Variants in RAVER2 observed in about 807,000 individuals in gnomAD.
RAVER2 encodes the protein ribonucleoprotein PTB-binding 2.
Under a neutral mutation model 78.1 loss-of-function variants are expected in RAVER2, and 46 were observed. The observed-to-expected ratio is 0.59, with a 90% CI of 0.46 to 0.75. The LOEUF is 0.75. RAVER2 is among the 30% of genes least tolerant of loss of function. The pLI, the probability that RAVER2 is intolerant of heterozygous loss-of-function variation, is 0.00. For missense variants in RAVER2, 793 were observed against 837.5 expected (o/e 0.95, Z 0.66); for synonymous variants, 311 against 313.3 (o/e 0.99, Z 0.08).
At position 64,745,269 on chromosome 1, in the gene RAVER2, C is replaced by T; in HGVS notation, c.97C>T (p.Pro33Ser). Reference sequence around the variant, plus strand: ...GGGGCCGGGGCTGCGCGGGCAGGGCCCCTCAGCCGAAGCGCACGAGGGCGC... The same window carrying T: ...GGGGCCGGGGCTGCGCGGGCAGGGCTCCTCAGCCGAAGCGCACGAGGGCGC... Residue 33 changes from proline to serine, a missense_variant, in exon 1 of 12, where the codon CCC becomes TCC. Coordinates refer to ENST00000294428, the Ensembl canonical transcript of RAVER2. This position sits in a 1 kb window ranked among gnomAD's most constrained non-coding sequence, Gnocchi z 4.3. The T allele has an allele frequency of 7.3e-7, 1 of 1,364,044 alleles. No homozygotes were observed. Among genetic ancestry groups the T allele is most frequent in the East Asian group, 3.4e-5 (1 of 29,020 alleles). 84.5% of individuals were successfully genotyped at this position (1,364,044 alleles called of 1,614,324 possible).
In RAVER2 at chr1:64,812,859, G is replaced by T; in HGVS notation, c.1792+10G>T. 6.5e-7 allele frequency: 1 copy of T among 1,542,316 alleles called. No individual in the cohort carries two copies. Among genetic ancestry groups the T allele is most frequent in the Non-Finnish European group, 8.8e-7 (1 of 1,132,856 alleles). On this transcript the variant is annotated intron_variant, in intron 10 of 11. Transcript: ENST00000294428. ...AGTGTGTGCTTATCATGTAAGTAGG[G>T]GCTCAGTATTCTTGTTGTGGAGTTT...
At position 64,789,568 on chromosome 1, in the gene RAVER2, T is replaced by C. The variant is rs574693528; in HGVS notation, c.1105+54T>C. 7.2e-5 allele frequency: 96 copies of C among 1,324,272 alleles called. 1 individual carries two copies. The East Asian group carries it at 2.6e-3, about 36-fold the overall frequency. 82.0% of individuals were successfully genotyped at this position (1,324,272 alleles called of 1,614,324 possible). ...TTAAAGAATGCTAGCATGAAGTTAA[T>C]TTTTTCACATGTGAAATATGGAAAA... On this transcript the variant is annotated intron_variant, in intron 5 of 11. Coordinates refer to ENST00000294428, the Ensembl canonical transcript of RAVER2.
intron 11 of RAVER2, among the ~76,000 whole-genome samples, chr1:64,818,559 G>A (rs562248298): frequency 4.3e-4 from 66 of 152,170 alleles, no homozygotes; most frequent in Middle Eastern, 3.4e-3. Flanking sequence ...AACAAAACTG[G>A]ACTAAATATG....
intron 4 of RAVER2, among the ~76,000 whole-genome samples, chr1:64,788,627 C>T (rs376162874): frequency 2.0e-5 from 3 of 151,668 alleles, no homozygotes; most frequent in Non-Finnish European, 2.9e-5. Context: ...CCCGTCTCCA[C>T]TAAAAATACA....
chr1:64,752,688 C>G (rs1651733052), intron 1 of RAVER2, among the ~76,000 whole-genome samples: 1 of 152,122 alleles, frequency 6.6e-6, no homozygotes, highest in African/African-American at 2.4e-5. Context: ...CAGTTCTTCC[C>G]TTTTTCGAGA....
chr1:64,776,152 C>T (rs1252406317), intron 2 of RAVER2, among the ~76,000 whole-genome samples: 1 of 151,610 alleles, frequency 6.6e-6, no homozygotes, highest in East Asian at 1.9e-4. Flanking sequence ...TATTTACAAA[C>T]TGTTGTTGGC....
chr1:64,781,652 G>GTAAT, intron 4 of RAVER2, 81 bp downstream of exon 4: 1 of 1,303,660 alleles, frequency 7.7e-7, no homozygotes, highest in Non-Finnish European at 1.0e-6. Flanking sequence ...TCTAGCCAAA[G>GTAAT]TAATTGATTG....
intron 1 of RAVER2, among the ~76,000 whole-genome samples, chr1:64,766,819 T>C (rs1446561720): frequency 1.3e-5 from 2 of 152,168 alleles, no homozygotes; most frequent in African/African-American, 4.8e-5. Flanking sequence ...ATATAAAGTA[T>C]TAAATTCGTT....
At chr1:64,783,665 C>A (rs946415950) in intron 4 of RAVER2, among the ~76,000 whole-genome samples, 1 of 152,076 alleles carries the variant, frequency 6.6e-6, no homozygotes, top group Non-Finnish European at 1.5e-5. Flanking sequence ...GGGTAGACTG[C>A]AAAAATTTTC....
intron 3 of RAVER2, among the ~76,000 whole-genome samples, chr1:64,778,880 T>G (rs1369340809): frequency 2.0e-5 from 3 of 149,044 alleles, no homozygotes; most frequent in Non-Finnish European, 4.4e-5. Context: ...CTTTGCATCT[T>G]TTCTTTAATC....
At chr1:64,772,519 C>T (rs968055690) in intron 2 of RAVER2, among the ~76,000 whole-genome samples, 6 of 151,936 alleles carry the variant, frequency 3.9e-5, no homozygotes, top group African/African-American at 1.2e-4. Context: ...AAATAGATTA[C>T]GATGTGATGT....
At chr1:64,779,510 A>T (rs975296822) in intron 3 of RAVER2, among the ~76,000 whole-genome samples, 1 of 151,592 alleles carries the variant, frequency 6.6e-6, no homozygotes, top group African/African-American at 2.4e-5. Flanking sequence ...CTAGGACTAC[A>T]AGTCCACATT....
intron 1 of RAVER2, among the ~76,000 whole-genome samples, chr1:64,755,726 T>TTG (rs1651835088): frequency 8.6e-6 from 1 of 116,302 alleles, no homozygotes; most frequent in African/African-American, 3.3e-5. Context: ...GCTTCATAGT[T>TTG]TTTTTTTTTT....
In RAVER2 at chr1:64,809,843, C is replaced by A. The variant is rs80129015; in HGVS notation, c.1680+2369C>A. ...GACTATTCTAGGTACCTAGGTGACACAATATTTGTCCTTCTGTGTGTAGCT... is the reference window on the plus strand; with the variant it reads ...GACTATTCTAGGTACCTAGGTGACAAAATATTTGTCCTTCTGTGTGTAGCT... On this transcript the variant is annotated intron_variant, in intron 9 of 11. Transcript: ENST00000294428. Among the ~76,000 whole-genome samples the A allele has an allele frequency of 1.3e-3, 191 of 152,256 alleles. 1 individual carries two copies. The highest frequency in any genetic ancestry group is 4.4e-3 in the African/African-American group (184 of 41,538).
At chr1:64,825,501 C>T (rs186858510) in intron 11 of RAVER2, among the ~76,000 whole-genome samples, 1 of 152,184 alleles carries the variant, frequency 6.6e-6, no homozygotes, top group Non-Finnish European at 1.5e-5. Context: ...TGCTTATATT[C>T]TTTTCAGAAG....
At chr1:64,800,094 T>G (rs1432854779) in intron 5 of RAVER2, among the ~76,000 whole-genome samples, 1 of 151,942 alleles carries the variant, frequency 6.6e-6, no homozygotes, top group African/African-American at 2.4e-5. Flanking sequence ...TTTGCCCATT[T>G]TTAAATTGGA....
chr1:64,782,892 C>G (rs148212332), intron 4 of RAVER2, among the ~76,000 whole-genome samples: 7 of 152,142 alleles, frequency 4.6e-5, no homozygotes, highest in Non-Finnish European at 8.8e-5. Context: ...CCCCCTACCC[C>G]GCGACAGGCC....
intron 1 of RAVER2, among the ~76,000 whole-genome samples, chr1:64,755,471 C>G (rs894746155): frequency 6.6e-6 from 1 of 151,986 alleles, no homozygotes; most frequent in African/African-American, 2.4e-5. Context: ...ATTTGTTTGA[C>G]TCTGTATTTG....
intron 5 of RAVER2, 93 bp from the exon 6 acceptor site, chr1:64,802,883 A>G: frequency 1.3e-6 from 1 of 748,088 alleles, no homozygotes; most frequent in South Asian, 2.0e-5. Flanking sequence ...TTAATAGTTT[A>G]AAGAAATATT....
Sources: gnomAD v4.1 joint callset for allele counts (sites outside exome capture counted in the v4.1 genomes callset) on GRCh38, gnomAD v4.1.1 for gene constraint, Gnocchi (gnomAD v3.1) non-coding constraint, MANE v1.5 for transcripts, NCBI Gene and HGNC (gene_info 2026-07-23, HGNC 2026-07-21) for gene names.